GPC3: variants seen among roughly 807,000 people sequenced by gnomAD.
GPC3 encodes the protein glypican 3.
Under a neutral mutation model 34.4 loss-of-function variants are expected in GPC3, and 3 were observed. The ratio of observed to expected loss-of-function variants is 0.09; its 90% CI spans 0.04 to 0.23. GPC3 has a LOEUF of 0.23. Ranked by LOEUF, GPC3 falls within the 10% of genes least tolerant of loss-of-function variation. GPC3 has a pLI of 1.00. For synonymous variants in GPC3, 177 were observed against 174.0 expected (o/e 1.02, Z -0.13); for missense variants, 351 against 445.6 (o/e 0.79, Z 1.91).
At chrX:133,707,021 C>A (rs1024232144) in intron 3 of GPC3, among the ~76,000 whole-genome samples, 2 of 112,013 alleles carry the variant, frequency 1.8e-5, no homozygotes, top group African/African-American at 6.5e-5. Context: ...TACTACTCAG[C>A]CATAAACAAG....
At chrX:133,776,878 C>CTT (rs10633635) in intron 2 of GPC3, among the ~76,000 whole-genome samples, 38,339 of 79,378 alleles carry the variant, frequency 0.48, 10,536 homozygotes, top group Non-Finnish European at 0.69. Flanking sequence ...CCTTTCTTTT[C>CTT]TTTTTTTTTT....
chrX:133,922,805 C>T (rs1873234182), intron 2 of GPC3, among the ~76,000 whole-genome samples: 1 of 110,787 alleles, frequency 9.0e-6, no homozygotes, highest in African/African-American at 3.3e-5. Flanking sequence ...AAAACAACTT[C>T]CCTCAGTTCT....
chrX:133,768,472 AC>A (rs1386055041), intron 2 of GPC3, among the ~76,000 whole-genome samples: 1 of 110,509 alleles, frequency 9.0e-6, no homozygotes, highest in Non-Finnish European at 1.9e-5. Context: ...ACCCCACTGT[AC>A]CCCCTTCTCC....
chrX:133,710,907 G>A (rs1256500556), intron 3 of GPC3, among the ~76,000 whole-genome samples: 1 of 112,209 alleles, frequency 8.9e-6, no homozygotes, highest in Non-Finnish European at 1.9e-5. Flanking sequence ...AGCACCAGGA[G>A]TTCATGACAT....
At chrX:133,824,168 G>A (rs773755975) in intron 2 of GPC3, among the ~76,000 whole-genome samples, 46 of 110,728 alleles carry the variant, frequency 4.2e-4, no homozygotes, top group Non-Finnish European at 7.4e-4. Flanking sequence ...ATGAGAAACA[G>A]AAAGGAAAAA....
chrX:133,954,738 CTTTTTTTTT>C (rs1166218378), intron 1 of GPC3, among the ~76,000 whole-genome samples: 9 of 53,776 alleles, frequency 1.7e-4, no homozygotes, highest in South Asian at 1.3e-3. Context: ...CAAACTTTCT[CTTTTTTTTT>C]TTTTTTTTTT....
intron 2 of GPC3, among the ~76,000 whole-genome samples, chrX:133,923,476 C>T (rs1323377050): frequency 2.7e-5 from 3 of 111,773 alleles, no homozygotes; most frequent in African/African-American, 9.8e-5. Context: ...GACGGTAGGT[C>T]TTCCTGATCA....
intron 2 of GPC3, among the ~76,000 whole-genome samples, chrX:133,922,957 G>A (rs763418045): frequency 3.6e-5 from 4 of 110,941 alleles, no homozygotes; most frequent in African/African-American, 1.3e-4. Flanking sequence ...TAAAGACGGG[G>A]AACATGAAGG....
At chrX:133,937,921 G>T (rs2076329777) in intron 2 of GPC3, among the ~76,000 whole-genome samples, 1 of 111,798 alleles carries the variant, frequency 8.9e-6, no homozygotes, top group Non-Finnish European at 1.9e-5. Context: ...CTGGGAAACT[G>T]AAAAGACTTA....
chrX:133,710,970 G>A (rs1343332869), intron 3 of GPC3, among the ~76,000 whole-genome samples: 1 of 111,666 alleles, frequency 9.0e-6, no homozygotes, highest in Non-Finnish European at 1.9e-5. Context: ...AGAACTTTGT[G>A]TAGTAAATCA....
At chrX:133,903,150 C>CA (rs61507100) in intron 2 of GPC3, among the ~76,000 whole-genome samples, 1,002 of 88,257 alleles carry the variant, frequency 0.011, 5 homozygotes, top group South Asian at 0.016. Context: ...GACTCTGTCT[C>CA]AAAAAAAAAA....
At chrX:133,608,337 A>G (rs867119662) in intron 6 of GPC3, among the ~76,000 whole-genome samples, 44 of 112,112 alleles carry the variant, frequency 3.9e-4, no homozygotes, top group African/African-American at 1.4e-3. Context: ...TGGAAGAAAA[A>G]CCTGCTTCAA....
intron 7 of GPC3, among the ~76,000 whole-genome samples, chrX:133,559,361 C>T (rs1231542663): frequency 7.2e-5 from 8 of 111,560 alleles, no homozygotes; most frequent in African/African-American, 9.8e-5. Context: ...AGGAGGGCAG[C>T]GATGAACATA....
intron 2 of GPC3, among the ~76,000 whole-genome samples, chrX:133,905,991 G>A (rs774762872): frequency 1.8e-5 from 2 of 111,811 alleles, no homozygotes; most frequent in Non-Finnish European, 3.8e-5. Flanking sequence ...AAGCAGAACT[G>A]CAACTCACAA....
At chrX:133,704,809 G>A (rs757485497) in intron 3 of GPC3, among the ~76,000 whole-genome samples, 1 of 110,969 alleles carries the variant, frequency 9.0e-6, no homozygotes, top group Non-Finnish European at 1.9e-5. Flanking sequence ...CCATATTTTG[G>A]GGTGGTGTGT....
At chrX:133,720,468 T>C (rs140604577) in intron 3 of GPC3, among the ~76,000 whole-genome samples, 1,630 of 111,832 alleles carry the variant, frequency 0.015, 33 homozygotes, top group African/African-American at 0.05. Context: ...ACAAGCTGTC[T>C]CTTTTTGCCT....
chrX:133,592,418 A>G, intron 7 of GPC3, among the ~76,000 whole-genome samples: 1 of 107,334 alleles, frequency 9.3e-6, no homozygotes, highest in East Asian at 3.0e-4. Context: ...AATAGTAATG[A>G]CCCCTACCTC....
Position 133,714,820 on chromosome X carries a change from G to A in GPC3, c.1033-14792C>T, listed in dbSNP as rs775348426. Among the ~76,000 whole-genome samples the A allele has an allele frequency of 4.5e-5, 5 of 111,656 alleles. No homozygotes were observed. The South Asian group carries it at 1.9e-3, about 43-fold the overall frequency. ...GGCTGAATGTCAGTAGGAACAGTGAGCGTTGTGGCATTTTAACTTCCCTAT... is the reference window on the plus strand; with the variant it reads ...GGCTGAATGTCAGTAGGAACAGTGAACGTTGTGGCATTTTAACTTCCCTAT... On this transcript the variant is annotated intron_variant, in intron 3 of 7. Transcript: ENST00000370818.
At chrX:133,764,381 A>G (rs2071827389) in intron 2 of GPC3, among the ~76,000 whole-genome samples, 1 of 112,059 alleles carries the variant, frequency 8.9e-6, no homozygotes. Context: ...ACAAGCCTGC[A>G]CATGTATCTC....
Sources: gnomAD v4.1 joint callset for allele counts (sites outside exome capture counted in the v4.1 genomes callset) on GRCh38, gnomAD v4.1.1 for gene constraint, MANE v1.5 for transcripts, NCBI Gene and HGNC (gene_info 2026-07-23, HGNC 2026-07-21) for gene names.